Variants in GRIA2 observed in about 807,000 individuals in gnomAD.
GRIA2 encodes the protein glutamate receptor 2.
In GRIA2, 14 loss-of-function variants were observed where a neutral mutation model predicts 97.3. That is an observed-to-expected ratio of 0.14 (90% CI 0.10 to 0.23). GRIA2 has a LOEUF of 0.23. Ranked by LOEUF, GRIA2 falls within the 10% of genes least tolerant of loss-of-function variation. The pLI is 1.00. For missense variants in GRIA2, 558 were observed against 1,069.8 expected (o/e 0.52, Z 6.67); for synonymous variants, 412 against 387.8 (o/e 1.06, Z -0.73).
chr4:157,263,386 T>C (rs1258905130), intron 2 of GRIA2, among the ~76,000 whole-genome samples: 1 of 148,654 alleles, frequency 6.7e-6, no homozygotes, highest in Non-Finnish European at 1.5e-5. Context: ...ATTTGAAGAG[T>C]TTTTTTTTTC....
intron 12 of GRIA2, among the ~76,000 whole-genome samples, chr4:157,348,680 T>A (rs920440008): frequency 9.2e-5 from 14 of 152,338 alleles, no homozygotes; most frequent in African/African-American, 2.9e-4. Flanking sequence ...TTATAGATTT[T>A]AAAATTTATA....
intron 2 of GRIA2, among the ~76,000 whole-genome samples, chr4:157,265,018 G>A (rs1731706587): frequency 6.6e-6 from 1 of 151,974 alleles, no homozygotes; most frequent in Non-Finnish European, 1.5e-5. Flanking sequence ...AATAAAAGAG[G>A]CATAATTTAA....
At chr4:157,360,442 G>GT (rs918422884) in intron 13 of GRIA2, among the ~76,000 whole-genome samples, 10 of 150,526 alleles carry the variant, frequency 6.6e-5, no homozygotes, top group South Asian at 2.1e-4. Context: ...CTTTGTTTGA[G>GT]TTTTTTTTTC....
chr4:157,364,835 T>C lies in GRIA2; in HGVS notation c.*1404T>C, dbSNP rs907878304. On this transcript the variant is annotated 3_prime_UTR_variant, in exon 16 of 16. Coordinates refer to ENST00000264426, the MANE Select transcript of GRIA2 (RefSeq NM_001083619.3). ...ATAACCCTAATATATTATTTTTATA[T>C]TTATTCCTCAGGTGGAATGGCTATT... The C allele has an allele frequency of 1.3e-5, 2 of 151,994 alleles. No individual in the cohort carries two copies. The highest frequency in any genetic ancestry group is 6.6e-5 in the Admixed American group (1 of 15,176). 9.4% of individuals were successfully genotyped at this position (151,994 alleles called of 1,614,324 possible). A position where few individuals can be genotyped will look rare whatever the true frequency, so the allele number is the denominator to read the frequency against.
In GRIA2 at chr4:157,361,756, A is replaced by G. The variant is rs1307596006; in HGVS notation, c.2406+632A>G. ...AATGACCCATCTTAAATAGAATGTA[A>G]ATGCAAATATGCATGAGATGCATAA... On this transcript the variant is annotated intron_variant, in intron 14 of 15. Coordinates refer to ENST00000264426, the MANE Select transcript of GRIA2 (RefSeq NM_001083619.3). This position sits in a 1 kb window ranked among gnomAD's most constrained non-coding sequence, Gnocchi z 5.2. 2.7e-6 allele frequency: 2 copies of G among 743,550 alleles called. No individual in the cohort carries two copies. The allele number at this position is 743,550 out of a possible 1,614,324, so 46.1% of individuals were successfully genotyped here.
intron 8 of GRIA2, among the ~76,000 whole-genome samples, 167 bp from the exon 9 acceptor site, chr4:157,333,843 C>T (rs1449678903): frequency 1.3e-5 from 2 of 152,018 alleles, no homozygotes; most frequent in African/African-American, 2.4e-5. Flanking sequence ...TTTTATACTT[C>T]CTTTTATTCC....
chr4:157,314,004 G>T (rs1734203102), intron 4 of GRIA2, among the ~76,000 whole-genome samples: 1 of 152,118 alleles, frequency 6.6e-6, no homozygotes, highest in Admixed American at 6.6e-5. Context: ...CATCATAAAA[G>T]CCTTCATCAT....
At chr4:157,351,490 A>G (rs141234851) in intron 12 of GRIA2, among the ~76,000 whole-genome samples, 2 of 152,210 alleles carry the variant, frequency 1.3e-5, no homozygotes, top group African/African-American at 2.4e-5. Flanking sequence ...TAATGAGAAC[A>G]TATGGAAATA....
chr4:157,305,084 T>C (rs936067566), intron 3 of GRIA2, among the ~76,000 whole-genome samples: 2 of 152,212 alleles, frequency 1.3e-5, no homozygotes, highest in Non-Finnish European at 2.9e-5. Flanking sequence ...TTCAATGTGC[T>C]GGATGTTTCC....
chr4:157,322,240 A>AGTGTGTGT (rs1427516697), intron 6 of GRIA2, among the ~76,000 whole-genome samples: 1 of 120,568 alleles, frequency 8.3e-6, no homozygotes, highest in East Asian at 2.5e-4. Context: ...AGAGAGAGAG[A>AGTGTGTGT]GAGTGTGTGT....
chr4:157,256,236 A>T (rs1437413876), intron 2 of GRIA2, among the ~76,000 whole-genome samples: 3 of 96,310 alleles, frequency 3.1e-5, no homozygotes, highest in African/African-American at 1.1e-4. Flanking sequence ...AATATATAAT[A>T]TATATATATA....
At chr4:157,235,341 C>T (rs1730195545) in intron 2 of GRIA2, among the ~76,000 whole-genome samples, 1 of 152,020 alleles carries the variant, frequency 6.6e-6, no homozygotes, top group Admixed American at 6.6e-5. Flanking sequence ...CTGTATTGAA[C>T]ATTTTTTATG....
chr4:157,319,561 G>T (rs542650324), intron 5 of GRIA2, among the ~76,000 whole-genome samples: 1 of 152,106 alleles, frequency 6.6e-6, no homozygotes, highest in South Asian at 2.1e-4. Context: ...CAATAAGTTC[G>T]AAAGGCTGTA....
At chr4:157,344,233 T>C (rs1298135230) in intron 12 of GRIA2, among the ~76,000 whole-genome samples, 1 of 152,150 alleles carries the variant, frequency 6.6e-6, no homozygotes, top group East Asian at 1.9e-4. Flanking sequence ...CTATTGGCTG[T>C]AGTGTGGTTG....
chr4:157,270,896 A>G (rs1179189429), intron 2 of GRIA2, among the ~76,000 whole-genome samples: 1 of 151,556 alleles, frequency 6.6e-6, no homozygotes, highest in Non-Finnish European at 1.5e-5. Context: ...GGGTTAAAAA[A>G]ATATTGTACA....
At position 157,361,453 on chromosome 4, in the gene GRIA2, C is replaced by T; in HGVS notation, c.2406+329C>T. ...AAATGGCGCATCAATGACTATCGCTCTTACAAAGCTCTTGAATCAGTATTA... is the reference window on the plus strand; with the variant it reads ...AAATGGCGCATCAATGACTATCGCTTTTACAAAGCTCTTGAATCAGTATTA... On this transcript the variant is annotated intron_variant, in intron 14 of 15. Coordinates refer to ENST00000264426, the MANE Select transcript of GRIA2 (RefSeq NM_001083619.3). The surrounding 1 kb of genome is among the most constrained non-coding windows in gnomAD (Gnocchi z 5.2). 9.4e-7 allele frequency: 1 copy of T among 1,067,900 alleles called. No individual in the cohort carries two copies. The highest frequency in any genetic ancestry group is 1.4e-5 in the South Asian group (1 of 72,760). 66.2% of individuals were successfully genotyped at this position (1,067,900 alleles called of 1,614,324 possible). A position where few individuals can be genotyped will look rare whatever the true frequency, so the allele number is the denominator to read the frequency against.
intron 12 of GRIA2, among the ~76,000 whole-genome samples, chr4:157,348,292 C>T (rs964908238): frequency 1.3e-5 from 2 of 152,096 alleles, no homozygotes; most frequent in Non-Finnish European, 2.9e-5. Context: ...CACCCTGTCA[C>T]CCAGGCTGCA....
chr4:157,336,121 G>A (rs898417838), intron 10 of GRIA2, among the ~76,000 whole-genome samples: 1 of 152,038 alleles, frequency 6.6e-6, no homozygotes, highest in African/African-American at 2.4e-5. Context: ...ATTGTCAAAA[G>A]GCTGCAAATG....
chr4:157,333,136 C>A, intron 7 of GRIA2, 113 bp from the exon 8 acceptor site: 1 of 899,002 alleles, frequency 1.1e-6, no homozygotes, highest in Non-Finnish European at 1.7e-6. Flanking sequence ...AAGAGAGAAA[C>A]AAATATTATT....
Sources: gnomAD v4.1 joint callset for allele counts (sites outside exome capture counted in the v4.1 genomes callset) on GRCh38, gnomAD v4.1.1 for gene constraint, Gnocchi (gnomAD v3.1) non-coding constraint, MANE v1.5 for transcripts, NCBI Gene and HGNC (gene_info 2026-07-23, HGNC 2026-07-21) for gene names.